The following RALYL variants were observed in gnomAD, a reference collection of about 807,000 sequenced individuals.
The protein encoded by RALYL is RALY RNA binding protein like.
A neutral mutation model predicts 35.1 loss-of-function variants in RALYL; 29 were observed. The ratio of observed to expected loss-of-function variants is 0.83; its 90% CI spans 0.61 to 1.13. RALYL has a LOEUF of 1.13. Ranked by LOEUF, RALYL falls within the 50% of genes most tolerant of loss-of-function variation. The pLI is 0.00. For missense variants in RALYL, 359 were observed against 360.4 expected, an observed-to-expected ratio of 1.00 and a Z score of 0.03; for synonymous variants, 120 against 127.6, an observed-to-expected ratio of 0.94 and a Z score of 0.40.
chr8:84,775,215 C>A (rs1454166727), intron 3 of RALYL, among the ~76,000 whole-genome samples: 1 of 152,164 alleles, frequency 6.6e-6, no homozygotes, highest in Non-Finnish European at 1.5e-5. Flanking sequence ...CTCAGCCTCC[C>A]AAAGTGCTGG....
chr8:84,320,732 T>G (rs1844644042), intron 1 of RALYL, among the ~76,000 whole-genome samples: 1 of 152,082 alleles, frequency 6.6e-6, no homozygotes, highest in African/African-American at 2.4e-5. Context: ...AATGCCTTTT[T>G]GGGGTACTTT....
intron 3 of RALYL, among the ~76,000 whole-genome samples, chr8:84,802,950 T>C (rs989571103): frequency 6.6e-6 from 1 of 152,100 alleles, no homozygotes; most frequent in Admixed American, 6.5e-5. Context: ...ACTTGCTAAC[T>C]AATGAGACAT....
At chr8:84,433,992 A>G (rs1001877245) in intron 1 of RALYL, among the ~76,000 whole-genome samples, 3 of 151,948 alleles carry the variant, frequency 2.0e-5, no homozygotes, top group Non-Finnish European at 2.9e-5. Context: ...GAAGGTAGGT[A>G]TATTAGTTTT....
At chr8:84,555,553 A>C (rs1343016764) in intron 2 of RALYL, among the ~76,000 whole-genome samples, 2 of 152,220 alleles carry the variant, frequency 1.3e-5, no homozygotes, top group Non-Finnish European at 2.9e-5. Flanking sequence ...ACTAACTGGT[A>C]CAACTTCATT....
chr8:84,599,788 G>A (rs575932851), intron 2 of RALYL, among the ~76,000 whole-genome samples: 1 of 152,088 alleles, frequency 6.6e-6, no homozygotes, highest in Non-Finnish European at 1.5e-5. Flanking sequence ...TTAAACAAAG[G>A]AAATTTTATT....
intron 8 of RALYL, among the ~76,000 whole-genome samples, chr8:84,915,379 G>A (rs1207829278): frequency 6.6e-6 from 1 of 151,972 alleles, no homozygotes; most frequent in Non-Finnish European, 1.5e-5. Context: ...GATCTCACCT[G>A]AATTTATAGC....
At chr8:84,824,583 C>T (rs182237481) in intron 4 of RALYL, among the ~76,000 whole-genome samples, 2 of 152,136 alleles carry the variant, frequency 1.3e-5, no homozygotes, top group Admixed American at 1.3e-4. Flanking sequence ...AGAACAAAGC[C>T]AGAGGCATTA....
At chr8:84,294,806 G>T (rs1468800427) in intron 1 of RALYL, among the ~76,000 whole-genome samples, 1 of 152,034 alleles carries the variant, frequency 6.6e-6, no homozygotes, top group Non-Finnish European at 1.5e-5. Flanking sequence ...GTTTTGCTCT[G>T]ATTGGAGGTT....
chr8:84,417,662 G>T (rs1358859174), intron 1 of RALYL, among the ~76,000 whole-genome samples: 1 of 151,862 alleles, frequency 6.6e-6, no homozygotes, highest in African/African-American at 2.4e-5. Context: ...GATATCAACA[G>T]TGTGGATTCC....
intron 1 of RALYL, among the ~76,000 whole-genome samples, chr8:84,424,125 G>C (rs2046040490): frequency 1.3e-5 from 2 of 151,646 alleles, no homozygotes; most frequent in East Asian, 1.9e-4. Context: ...AGTTCTCCTG[G>C]ATAATATCAT....
intron 2 of RALYL, among the ~76,000 whole-genome samples, chr8:84,731,655 G>A (rs1438332313): frequency 6.6e-6 from 1 of 152,058 alleles, no homozygotes; most frequent in East Asian, 1.9e-4. Flanking sequence ...TCCTACATCT[G>A]TTATTTTCCT....
intron 2 of RALYL, among the ~76,000 whole-genome samples, chr8:84,562,671 A>ACTAT (rs1360339821): frequency 5.1e-5 from 7 of 136,224 alleles, no homozygotes; most frequent in African/African-American, 2.0e-4. Context: ...CTACTAACTA[A>ACTAT]CAACCTTCTT....
intron 1 of RALYL, among the ~76,000 whole-genome samples, chr8:84,281,106 A>T (rs1053699413): frequency 6.6e-6 from 1 of 152,100 alleles, no homozygotes; most frequent in Admixed American, 6.6e-5. Flanking sequence ...ATGACTATAC[A>T]GAGGTTTTTC....
chr8:84,631,981 C>G (rs927145367), intron 2 of RALYL, among the ~76,000 whole-genome samples: 1 of 151,732 alleles, frequency 6.6e-6, no homozygotes, highest in African/African-American at 2.4e-5. Context: ...TGTTTCCACC[C>G]CACCCCCCTG....
intron 2 of RALYL, among the ~76,000 whole-genome samples, chr8:84,591,097 T>A (rs1318550971): frequency 6.6e-6 from 1 of 152,192 alleles, no homozygotes; most frequent in Non-Finnish European, 1.5e-5. Flanking sequence ...GTGAAATTAA[T>A]ACAGGATAGT....
intron 8 of RALYL, among the ~76,000 whole-genome samples, chr8:84,900,875 T>A (rs1346289): frequency 2.0e-5 from 3 of 151,930 alleles, no homozygotes; most frequent in African/African-American, 7.3e-5. Flanking sequence ...AAGACTATTG[T>A]AGTAAGAGAG....
chr8:84,905,701 T>A (rs1378417711), intron 8 of RALYL, among the ~76,000 whole-genome samples: 1 of 51,264 alleles, frequency 2.0e-5, no homozygotes, highest in Non-Finnish European at 3.3e-5. Flanking sequence ...ATGAATACTA[T>A]TTTTTTTTTT....
chr8:84,738,927 T>G (rs998853765), intron 2 of RALYL, among the ~76,000 whole-genome samples: 1 of 152,030 alleles, frequency 6.6e-6, no homozygotes, highest in Non-Finnish European at 1.5e-5. Flanking sequence ...AAATATGTAT[T>G]CCTAAACCAA....
At chr8:84,555,056 A>G (rs2061005649) in intron 2 of RALYL, among the ~76,000 whole-genome samples, 1 of 152,158 alleles carries the variant, frequency 6.6e-6, no homozygotes, top group South Asian at 2.1e-4. Flanking sequence ...TAAGGCGGGC[A>G]GATCACGAGG....
Sources: allele counts gnomAD v4.1 joint callset (sites outside exome capture counted in the v4.1 genomes callset), GRCh38; gene constraint gnomAD v4.1.1; transcripts MANE v1.5; gene names NCBI Gene and HGNC (gene_info 2026-07-23, HGNC 2026-07-21).